TPGS2: variants seen among roughly 807,000 people sequenced by gnomAD.
TPGS2 encodes polyglutamylase subunit 2.
Under a neutral mutation model 31.1 loss-of-function variants are expected in TPGS2, and 26 were observed. The ratio of observed to expected loss-of-function variants is 0.84; its 90% CI spans 0.61 to 1.16. TPGS2 has a LOEUF of 1.16. Ranked by LOEUF, TPGS2 falls within the 50% of genes most tolerant of loss-of-function variation. The pLI, the probability that TPGS2 is intolerant of heterozygous loss-of-function variation, is 0.00. For synonymous variants in TPGS2, 130 were observed against 136.6 expected (o/e 0.95, Z 0.34); for missense variants, 351 against 363.8 (o/e 0.96, Z 0.29).
intron 1 of TPGS2, among the ~76,000 whole-genome samples, chr18:36,828,033 C>T (rs2046260940): frequency 6.6e-6 from 1 of 152,048 alleles, no homozygotes; most frequent in Non-Finnish European, 1.5e-5. Context: ...ATGGTGGAAC[C>T]CTGTCTCTAC....
intron 2 of TPGS2, among the ~76,000 whole-genome samples, chr18:36,813,709 C>A (rs17652351): frequency 2.0e-5 from 3 of 152,122 alleles, no homozygotes; most frequent in African/African-American, 7.2e-5. Flanking sequence ...GCATGAAAAG[C>A]AACAAATAGC....
At chr18:36,800,338 G>A (rs1275304174) in intron 4 of TPGS2, 27 bp from the exon 5 acceptor site, 22 of 1,603,880 alleles carry the variant, frequency 1.4e-5, no homozygotes, top group Non-Finnish European at 1.8e-5. Flanking sequence ...TAATGGTAAT[G>A]TTCAAACAAA....
Position 36,796,909 on chromosome 18 carries a change from C to G in TPGS2, c.799G>C (p.Val267Leu), listed in dbSNP as rs757885919. 8 of 1,610,682 alleles carry G rather than the reference C, an allele frequency of 5.0e-6. No homozygotes were observed. ...CCTTTCTGGCCACCTGCAGGCTGCA[C>G]AGGCCCTTTCTTTTTTGGGATTACG... is the stretch of plus-strand genomic sequence containing the variant. The part of the protein sequence containing the change: ...KIVIPKKKGP[V>L]QPAGGQKGPS... The change falls in exon 7 of 7, where the codon GTG becomes CTG. Residue 267 changes from valine (V) to leucine (L), a missense_variant. Val to Leu is a conservative substitution (Grantham distance 32, BLOSUM62 1). Coordinates refer to ENST00000334295, the MANE Select transcript of TPGS2 (RefSeq NM_015476.4).
At chr18:36,805,237 C>A (rs1447717774) in intron 4 of TPGS2, 137 bp downstream of exon 4, 1 of 1,015,574 alleles carries the variant, frequency 9.8e-7, no homozygotes, top group Admixed American at 2.5e-5. Context: ...TTCCCTGAAT[C>A]CTCTTGATAC....
At position 36,795,900 on chromosome 18, in the gene TPGS2, T is replaced by G; in HGVS notation, c.*905A>C. On this transcript the variant is annotated 3_prime_UTR_variant, in exon 7 of 7. Transcript: ENST00000334295. ...CAGTGTCTGGCACCATTAAAACTCT[T>G]TCTTTATGAAGAGTTGTGCAAAACA... The G allele has an allele frequency of 4.1e-6, 4 of 985,382 alleles. No homozygotes were observed. Among genetic ancestry groups the G allele is most frequent in the Non-Finnish European group, 4.8e-6 (4 of 829,902 alleles). The allele number at this position is 985,382 out of a possible 1,614,324, so 61.0% of individuals were successfully genotyped here. A position where few individuals can be genotyped will look rare whatever the true frequency, so the allele number is the denominator to read the frequency against.
Position 36,800,879 on chromosome 18 carries a change from G to A in TPGS2, c.383-568C>T, listed in dbSNP as rs192439199. 1.2e-4 allele frequency among the ~76,000 whole-genome samples: 19 copies of A among 152,098 alleles called. No homozygotes were observed. The East Asian group carries it at 2.9e-3, about 23-fold the overall frequency. On this transcript the variant is annotated intron_variant, in intron 4 of 6. Transcript: ENST00000334295. ...TAATTTTTGTATTTTTAGTAGGGACGGAGTTTCACCACATTGGCCAGACTG... is the reference window on the plus strand; with the variant it reads ...TAATTTTTGTATTTTTAGTAGGGACAGAGTTTCACCACATTGGCCAGACTG...
At chr18:36,799,853 GA>G (rs377041083) in intron 5 of TPGS2, among the ~76,000 whole-genome samples, 36 of 151,112 alleles carry the variant, frequency 2.4e-4, no homozygotes, top group South Asian at 1.9e-3. Flanking sequence ...CCTAGATATA[GA>G]AGTATAAAAG....
At chr18:36,780,114 C>A, downstream of TPGS2, 1 of 1,231,908 alleles carries the variant, frequency 8.1e-7, no homozygotes, top group Non-Finnish European at 1.0e-6. Context: ...ACAGGCTCGC[C>A]TCTTCAGAAT....
chr18:36,819,568 G>C (rs1480991041), intron 1 of TPGS2, among the ~76,000 whole-genome samples: 2 of 152,272 alleles, frequency 1.3e-5, no homozygotes, highest in African/African-American at 4.8e-5. Context: ...TCTTTGTGGA[G>C]CTGTGTTCTA....
downstream of TPGS2, chr18:36,780,181 C>T: frequency 4.9e-6 from 6 of 1,231,808 alleles, no homozygotes; most frequent in Non-Finnish European, 6.1e-6. Context: ...GCCTTCAGAT[C>T]CTTTGGGCTG....
At chr18:36,813,855 G>T (rs905448053) in intron 2 of TPGS2, among the ~76,000 whole-genome samples, 6 of 152,196 alleles carry the variant, frequency 3.9e-5, no homozygotes, top group Admixed American at 3.3e-4. Flanking sequence ...AGAACACAGA[G>T]AATCTCCCAG....
chr18:36,827,764 G>C (rs1362017793), intron 1 of TPGS2, among the ~76,000 whole-genome samples: 1 of 152,208 alleles, frequency 6.6e-6, no homozygotes, highest in East Asian at 1.9e-4. Flanking sequence ...TCCCTGGTAA[G>C]ATCAGTCCCC....
intron 1 of TPGS2, among the ~76,000 whole-genome samples, chr18:36,826,779 C>G (rs898862213): frequency 1.3e-5 from 2 of 152,108 alleles, no homozygotes; most frequent in Admixed American, 6.5e-5. Flanking sequence ...TTGGGGAACC[C>G]TAATACAATT....
rs561276592 is a variant in TPGS2 at position 36,828,087 on chromosome 18, G to T, written c.85+596C>A. Among the ~76,000 whole-genome samples, 9 of 152,220 alleles carry T rather than the reference G, an allele frequency of 5.9e-5. No individual in the cohort carries two copies. The South Asian group carries it at 1.7e-3, about 28-fold the overall frequency. ...GCTGGGCGAGGCAGGAGAATTGCTT[G>T]AACCCAGGAGGCGCAGGTTGCAGTG... On this transcript the variant is annotated intron_variant, in intron 1 of 6. Transcript: ENST00000334295.
chr18:36,792,226 A>G (rs1012948873), downstream of TPGS2, among the ~76,000 whole-genome samples: 3 of 152,190 alleles, frequency 2.0e-5, no homozygotes, highest in Non-Finnish European at 4.4e-5. Context: ...AGCAATTGCT[A>G]AAACATAAAG....
intron 1 of TPGS2, among the ~76,000 whole-genome samples, chr18:36,820,097 A>C (rs1386829645): frequency 2.0e-5 from 3 of 152,240 alleles, no homozygotes; most frequent in Non-Finnish European, 4.4e-5. Context: ...CCAAGTTGCC[A>C]GAAACTCAAA....
intron 2 of TPGS2, among the ~76,000 whole-genome samples, chr18:36,810,564 C>T (rs994400893): frequency 1.3e-5 from 2 of 151,984 alleles, no homozygotes; most frequent in African/African-American, 4.8e-5. Flanking sequence ...AGGGTAATAT[C>T]AGGATTGGAG....
intron 2 of TPGS2, among the ~76,000 whole-genome samples, chr18:36,811,562 G>A (rs1162103582): frequency 6.6e-6 from 1 of 152,142 alleles, no homozygotes; most frequent in African/African-American, 2.4e-5. Flanking sequence ...ATACCCTCAA[G>A]TTTATATAAT....
chr18:36,825,046 G>C (rs1474997175), intron 1 of TPGS2, among the ~76,000 whole-genome samples: 4 of 152,162 alleles, frequency 2.6e-5, no homozygotes, highest in African/African-American at 9.6e-5. Context: ...TTGAGGTAGA[G>C]GTCCAATTTC....
Sources: gnomAD v4.1 joint callset for allele counts (sites outside exome capture counted in the v4.1 genomes callset) on GRCh38, gnomAD v4.1.1 for gene constraint, MANE v1.5 for transcripts, NCBI Gene and HGNC (gene_info 2026-07-23, HGNC 2026-07-21) for gene names.